CPEB2: variants seen among roughly 807,000 people sequenced by gnomAD.
CPEB2 encodes the protein cytoplasmic polyadenylation element binding protein 2, also known as cytoplasmic polyadenylation element-binding protein 2.
CPEB2 carries 56 observed loss-of-function variants against 93.6 expected under a neutral mutation model. That is an observed-to-expected ratio of 0.60 (90% CI 0.48 to 0.75). The LOEUF (loss-of-function observed/expected upper bound fraction) is 0.75. Among genes scored for constraint, CPEB2 ranks in the 30% least tolerant of loss-of-function variants. The pLI is 0.00. For synonymous variants in CPEB2, 764 were observed against 586.3 expected, an observed-to-expected ratio of 1.30 and a Z score of -4.38; for missense variants, 1,579 against 1,395.1, an observed-to-expected ratio of 1.13 and a Z score of -2.10.
chr4:15,004,246 A>C lies in CPEB2; in HGVS notation c.1573A>C (p.Arg525=). The change falls in exon 1 of 12, where the codon AGG becomes CGG. Residue 525 remains arginine, a synonymous_variant. Transcript: ENST00000538197. ...GGCGCCGCAGCAGCCGCAGAGCCGG[A>C]GGTCGCCCGTCAGCCCGCAGCTCCA... ...PAAPQQPQSR[R]SPVSPQLQQQ... 1 of 1,478,334 alleles carries C rather than the reference A, an allele frequency of 6.8e-7. No homozygotes were observed. Among genetic ancestry groups the C allele is most frequent in the South Asian group, 1.3e-5 (1 of 79,610 alleles). 91.6% of individuals were successfully genotyped at this position (1,478,334 alleles called of 1,614,324 possible). A position where few individuals can be genotyped will look rare whatever the true frequency, so the allele number is the denominator to read the frequency against.
intron 6 of CPEB2, among the ~76,000 whole-genome samples, chr4:15,044,015 CTG>C (rs1335400960): frequency 1.3e-5 from 2 of 152,136 alleles, no homozygotes; most frequent in African/African-American, 4.8e-5. Flanking sequence ...CCCAGGGTAA[CTG>C]TACACTCCCT....
intron 5 of CPEB2, among the ~76,000 whole-genome samples, chr4:15,039,572 T>C (rs2109046336): frequency 6.6e-6 from 1 of 152,206 alleles, no homozygotes; most frequent in East Asian, 1.9e-4. Flanking sequence ...AAAATACTCA[T>C]TGTGTATTCA....
rs776924854 is a variant in CPEB2, at chr4:15,008,388, T to C, written c.1995T>C (p.Asp665=). The C allele has an allele frequency of 3.8e-5, 61 of 1,613,852 alleles. No homozygotes were observed. The highest frequency in any genetic ancestry group is 5.0e-5 in the Non-Finnish European group (59 of 1,179,890). ...LPAWGSDSLQ[D]SWCTAAGTSR... ...CTTGGGGCTCAGATTCACTCCAAGATAGTTGGTGCACTGCAGCCGGAACAT... is the reference window on the plus strand; with the variant it reads ...CTTGGGGCTCAGATTCACTCCAAGACAGTTGGTGCACTGCAGCCGGAACAT... Residue 665 remains aspartate (D), a synonymous_variant, in exon 3 of 12, where the codon GAT becomes GAC. Transcript: ENST00000538197.
At chr4:15,047,675 CTAAG>C (rs1458297913) in intron 6 of CPEB2, among the ~76,000 whole-genome samples, 1 of 151,938 alleles carries the variant, frequency 6.6e-6, no homozygotes, top group Non-Finnish European at 1.5e-5. Context: ...TATGTCTATA[CTAAG>C]TAATTTTATT....
At position 15,003,771 on chromosome 4, in the gene CPEB2, G is replaced by GGGAGGC. The variant is rs1379394915; in HGVS notation, c.1101_1106dup (p.Gly368_Gly369dup). ...GCGGGGGGCCCCCAGGAGGCGGAGG[G>GGGAGGC]GGAGGCGGCTCCGCGTCGCCGCCGC... On this transcript the variant is annotated inframe_insertion, in exon 1 of 12. Transcript: ENST00000538197. The GGGAGGC allele has an allele frequency of 1.7e-6, 2 of 1,186,564 alleles. No individual in the cohort carries two copies. The highest frequency in any genetic ancestry group is 3.9e-5 in the South Asian group (1 of 25,476). The allele number at this position is 1,186,564 out of a possible 1,614,324, so 73.5% of individuals were successfully genotyped here.
chr4:15,009,677 G>T (rs1458373651), intron 3 of CPEB2, among the ~76,000 whole-genome samples: 1 of 152,184 alleles, frequency 6.6e-6, no homozygotes, highest in East Asian at 1.9e-4. Flanking sequence ...ACTCTGTGCA[G>T]AAAGAAGCAA....
At chr4:15,063,635 C>CGTTATTTA in intron 11 of CPEB2, 1 of 152,100 alleles carries the variant, frequency 6.6e-6, no homozygotes, top group East Asian at 1.9e-4. Context: ...TCACAGACGA[C>CGTTATTTA]GTTATTTACA....
chr4:15,008,884 G>GT (rs1377818420), intron 3 of CPEB2, among the ~76,000 whole-genome samples: 3 of 152,076 alleles, frequency 2.0e-5, no homozygotes, highest in African/African-American at 7.2e-5. Context: ...TCTTGGTTCA[G>GT]TTTTTTCACC....
At chr4:15,015,016 C>G (rs1252443835) in intron 3 of CPEB2, among the ~76,000 whole-genome samples, 1 of 152,036 alleles carries the variant, frequency 6.6e-6, no homozygotes, top group Admixed American at 6.6e-5. Flanking sequence ...ATCATCTAGT[C>G]TGACATGATT....
intron 3 of CPEB2, among the ~76,000 whole-genome samples, chr4:15,016,358 G>A (rs941928792): frequency 6.6e-6 from 1 of 152,004 alleles, no homozygotes; most frequent in Non-Finnish European, 1.5e-5. Flanking sequence ...AGTATGTATT[G>A]AACAGAATAC....
At chr4:15,065,913 A>G (rs1284243945) in intron 11 of CPEB2, among the ~76,000 whole-genome samples, 1 of 150,562 alleles carries the variant, frequency 6.6e-6, no homozygotes, top group Non-Finnish European at 1.5e-5. Flanking sequence ...ATACCAGCAC[A>G]CAGGTGTTTC....
chr4:15,045,734 ATTAT>A (rs1261945170), intron 6 of CPEB2, among the ~76,000 whole-genome samples: 1 of 152,188 alleles, frequency 6.6e-6, no homozygotes, highest in Non-Finnish European at 1.5e-5. Context: ...TACCTTTAAG[ATTAT>A]TTATCTGGTG....
At chr4:15,051,328 C>T (rs934663073) in intron 6 of CPEB2, among the ~76,000 whole-genome samples, 1 of 152,136 alleles carries the variant, frequency 6.6e-6, no homozygotes, top group Admixed American at 6.6e-5. Context: ...AATACTCTAG[C>T]CTCAAAGGGC....
rs1035605981 is a variant in CPEB2, at chr4:15,069,416, A to G, written c.*3036A>G. On this transcript the variant is annotated 3_prime_UTR_variant, in exon 12 of 12. Transcript: ENST00000538197. The stretch of plus-strand genomic sequence containing the variant: ...TGCATATTTTGCAGATTTTATCCAC[A>G]GTGTCATTTTTTACTGTCAGAAAAG... 2 of 152,238 alleles carry G rather than the reference A, an allele frequency of 1.3e-5. No homozygotes were observed. The highest frequency in any genetic ancestry group is 4.8e-5 in the African/African-American group (2 of 41,410). 9.4% of individuals were successfully genotyped at this position (152,238 alleles called of 1,614,324 possible).
At chr4:15,011,246 A>C (rs79121288) in intron 3 of CPEB2, among the ~76,000 whole-genome samples, 2 of 151,326 alleles carry the variant, frequency 1.3e-5, no homozygotes, top group Non-Finnish European at 2.9e-5. Context: ...GATTACATGC[A>C]TGCACCACCA....
At chr4:15,025,148 CTT>C (rs1391937577) in intron 4 of CPEB2, among the ~76,000 whole-genome samples, 1 of 151,896 alleles carries the variant, frequency 6.6e-6, no homozygotes, top group East Asian at 1.9e-4. Context: ...TGTTTTGTCT[CTT>C]GTTTTGCATT....
Position 15,002,778 on chromosome 4 carries a change from C to G in CPEB2, c.105C>G (p.Ser35=). The G allele has an allele frequency of 6.5e-7, 1 of 1,535,574 alleles. No homozygotes were observed. Among genetic ancestry groups the G allele is most frequent in the East Asian group, 2.5e-5 (1 of 40,786 alleles). ...CGTATGGTCCTTACGCCGTGGGGTC[C>G]GTCAACCCGCTGCCCTCCGCCACGC... ...GEAYGPYAVG[S]VNPLPSATPF... is the part of the protein sequence containing the mutation. Residue 35 remains serine (S), a synonymous_variant, in exon 1 of 12, where the codon TCC becomes TCG. Coordinates refer to ENST00000538197, the MANE Select transcript of CPEB2 (RefSeq NM_001177382.2).
Position 15,006,980 on chromosome 4 carries a change from CAG to C in CPEB2, c.1663-322_1663-321del, listed in dbSNP as rs1479989046. On this transcript the variant is annotated intron_variant, in intron 1 of 11. Coordinates refer to ENST00000538197, the MANE Select transcript of CPEB2 (RefSeq NM_001177382.2). Reference sequence around the variant, plus strand: ...TGTATGTTATATCTTTAAGAATCTTCAGAGTTAATTTCAATTTTTTTCTTCAT... The same window carrying C: ...TGTATGTTATATCTTTAAGAATCTTCAGTTAATTTCAATTTTTTTCTTCAT... 2.6e-5 allele frequency among the ~76,000 whole-genome samples: 4 copies of C among 152,156 alleles called. No homozygotes were observed. In the East Asian group the frequency reaches 7.7e-4, roughly 29 times the overall value.
chr4:15,040,931 A>G (rs1442939632), intron 6 of CPEB2, among the ~76,000 whole-genome samples: 2 of 152,140 alleles, frequency 1.3e-5, no homozygotes, highest in East Asian at 3.8e-4. Flanking sequence ...CACCAAATAG[A>G]TTATTTTTAA....
Sources: gnomAD v4.1 joint callset for allele counts (sites outside exome capture counted in the v4.1 genomes callset) on GRCh38, gnomAD v4.1.1 for gene constraint, MANE v1.5 for transcripts, NCBI Gene and HGNC (gene_info 2026-07-23, HGNC 2026-07-21) for gene names.